The following SGCD variants were observed in gnomAD, a reference collection of about 807,000 sequenced individuals.
SGCD encodes delta-sarcoglycan.
SGCD carries 18 observed loss-of-function variants against 36.6 expected under a neutral mutation model. That is an observed-to-expected ratio of 0.49 (90% CI 0.34 to 0.73). The LOEUF (loss-of-function observed/expected upper bound fraction) is 0.73. Among genes scored for constraint, SGCD ranks in the 30% least tolerant of loss-of-function variants. The probability of loss-of-function intolerance (pLI) is 0.01; values close to 1 mark genes in which losing one functional copy is unlikely to be tolerated. For synonymous variants in SGCD, 133 were observed against 130.6 expected (o/e 1.02, Z -0.12); for missense variants, 387 against 346.7 (o/e 1.12, Z -0.92).
At chr5:156,316,795 TA>T (rs1767528758) in intron 3 of SGCD, among the ~76,000 whole-genome samples, 1 of 152,040 alleles carries the variant, frequency 6.6e-6, no homozygotes, top group Admixed American at 6.5e-5. Context: ...CTACACTGTC[TA>T]AAGATTAAAG....
At chr5:156,158,992 TATC>T (rs1166999436) in intron 3 of SGCD, among the ~76,000 whole-genome samples, 1 of 151,558 alleles carries the variant, frequency 6.6e-6, no homozygotes, top group African/African-American at 2.4e-5. Context: ...GCAGAAGACT[TATC>T]ATCATTGTTT....
At chr5:156,456,535 C>G (rs527760211) in intron 3 of SGCD, among the ~76,000 whole-genome samples, 1 of 152,110 alleles carries the variant, frequency 6.6e-6, no homozygotes, top group African/African-American at 2.4e-5. Context: ...GAAGAGATTT[C>G]TAAGAAAGAG....
intron 3 of SGCD, among the ~76,000 whole-genome samples, chr5:156,144,603 A>T (rs796524919): frequency 6.6e-6 from 1 of 152,088 alleles, no homozygotes; most frequent in African/African-American, 2.4e-5. Flanking sequence ...TTTCTTATAA[A>T]TTTGTTTGTG....
At chr5:156,329,008 C>T (rs956858460) in intron 1 of SGCD, among the ~76,000 whole-genome samples, 3 of 152,120 alleles carry the variant, frequency 2.0e-5, no homozygotes, top group Admixed American at 6.5e-5. Context: ...GCAGAAGAGG[C>T]GTGAAATAGC....
chr5:155,850,182 T>C, the SGCD span, among the ~76,000 whole-genome samples: 1 of 152,238 alleles, frequency 6.6e-6, no homozygotes, highest in Non-Finnish European at 1.5e-5. Context: ...TGCTTTTTTC[T>C]GTAATGCAAC....
intron 1 of SGCD, among the ~76,000 whole-genome samples, chr5:156,023,136 G>C (rs1759145454): frequency 6.6e-6 from 1 of 152,246 alleles, no homozygotes; most frequent in Admixed American, 6.5e-5. Context: ...TTTGAAATAT[G>C]AATGATGACA....
At chr5:156,657,281 A>G (rs1763725676) in intron 7 of SGCD, among the ~76,000 whole-genome samples, 1 of 151,214 alleles carries the variant, frequency 6.6e-6, no homozygotes, top group Non-Finnish European at 1.5e-5. Flanking sequence ...GTTTTAGGGT[A>G]CATGTGCACA....
At chr5:155,934,714 T>C (rs1177963200) in intron 1 of SGCD, among the ~76,000 whole-genome samples, 1 of 152,230 alleles carries the variant, frequency 6.6e-6, no homozygotes, top group Non-Finnish European at 1.5e-5. Context: ...CTCCTCACTC[T>C]ATGATTTAGG....
At chr5:156,496,009 A>C (rs1026098488) in intron 3 of SGCD, among the ~76,000 whole-genome samples, 2 of 152,170 alleles carry the variant, frequency 1.3e-5, no homozygotes, top group East Asian at 3.8e-4. Flanking sequence ...AGTTTTTCCA[A>C]GAATTTCTTT....
At chr5:155,782,583 G>GT in the SGCD span, among the ~76,000 whole-genome samples, 2 of 152,240 alleles carry the variant, frequency 1.3e-5, no homozygotes, top group East Asian at 3.9e-4. Context: ...CTGAAAAGGA[G>GT]TTTTTTCCCT....
chr5:155,907,051 A>G (rs1756531367), intron 1 of SGCD, among the ~76,000 whole-genome samples: 1 of 152,156 alleles, frequency 6.6e-6, no homozygotes, highest in South Asian at 2.1e-4. Context: ...AGTTGAAGTC[A>G]GTGCTCATTT....
At chr5:156,416,296 C>T (rs1226558794) in intron 3 of SGCD, among the ~76,000 whole-genome samples, 1 of 152,152 alleles carries the variant, frequency 6.6e-6, no homozygotes, top group Non-Finnish European at 1.5e-5. Flanking sequence ...TGTTCTCACT[C>T]ATATGTGGGA....
At chr5:155,929,842 C>T (rs974396847) in intron 1 of SGCD, among the ~76,000 whole-genome samples, 2 of 152,052 alleles carry the variant, frequency 1.3e-5, no homozygotes, top group African/African-American at 4.8e-5. Flanking sequence ...AATTATGTAC[C>T]ATTTCTACAC....
chr5:156,373,620 C>G (rs1770506850), intron 3 of SGCD, among the ~76,000 whole-genome samples: 1 of 152,154 alleles, frequency 6.6e-6, no homozygotes, highest in South Asian at 2.1e-4. Flanking sequence ...CTTACATTTC[C>G]AGAAATCTCC....
intron 4 of SGCD, among the ~76,000 whole-genome samples, chr5:156,547,796 G>T (rs914578987): frequency 1.3e-5 from 2 of 152,166 alleles, no homozygotes; most frequent in Non-Finnish European, 2.9e-5. Context: ...ACTGAGGCTT[G>T]TGTAACTAGA....
At chr5:155,886,809 T>A (rs1756013728) in intron 1 of SGCD, among the ~76,000 whole-genome samples, 1 of 152,182 alleles carries the variant, frequency 6.6e-6, no homozygotes, top group Admixed American at 6.5e-5. Flanking sequence ...TGAAGGAGAA[T>A]GCCCAGGGGC....
chr5:155,750,741 C>G, the SGCD span, among the ~76,000 whole-genome samples: 1 of 152,168 alleles, frequency 6.6e-6, no homozygotes, highest in African/African-American at 2.4e-5. Context: ...ACTGAGGGCT[C>G]TGTGGGCTAA....
At chr5:155,994,701 T>C (rs1356673044) in intron 1 of SGCD, among the ~76,000 whole-genome samples, 1 of 152,228 alleles carries the variant, frequency 6.6e-6, no homozygotes, top group Non-Finnish European at 1.5e-5. Flanking sequence ...ACTGTGAATA[T>C]AGAAACAATT....
At chr5:156,455,882 G>A (rs1315917163) in intron 3 of SGCD, among the ~76,000 whole-genome samples, 1 of 152,180 alleles carries the variant, frequency 6.6e-6, no homozygotes, top group East Asian at 1.9e-4. Flanking sequence ...AACAAATGGG[G>A]AGAATGCTGC....
Sources: allele counts gnomAD v4.1 joint callset (sites outside exome capture counted in the v4.1 genomes callset), GRCh38; gene constraint gnomAD v4.1.1; transcripts MANE v1.5; gene names NCBI Gene and HGNC (gene_info 2026-07-23, HGNC 2026-07-21).